The following CD36 variants were observed in gnomAD, a reference collection of about 807,000 sequenced individuals.
The protein encoded by CD36 is CD36 molecule (CD36 blood group).
A neutral mutation model predicts 55.2 loss-of-function variants in CD36; 119 were observed. The observed-to-expected ratio is 2.15, with a 90% CI of 1.86 to 2.51. CD36 has a LOEUF of 2.51. CD36 is among the 30% of genes most tolerant of loss of function. The pLI is 0.00. For missense variants in CD36, 819 were observed against 555.5 expected (o/e 1.47, Z -4.77); for synonymous variants, 186 against 193.6 (o/e 0.96, Z 0.33).
chr7:80,615,326 G>C (rs1339124393), intron 1 of CD36, among the ~76,000 whole-genome samples: 1 of 152,136 alleles, frequency 6.6e-6, no homozygotes, highest in Non-Finnish European at 1.5e-5. Context: ...ACAGAATAAA[G>C]TTCAATCTCC....
chr7:80,614,220 T>C (rs922058799), intron 1 of CD36, among the ~76,000 whole-genome samples: 1 of 152,180 alleles, frequency 6.6e-6, no homozygotes, highest in African/African-American at 2.4e-5. Flanking sequence ...GAATGTTTGT[T>C]TCTCCAGAGC....
intron 8 of CD36, 129 bp downstream of exon 8, chr7:80,666,618 T>C (rs1190701344): frequency 2.7e-6 from 2 of 735,356 alleles, no homozygotes; most frequent in African/African-American, 3.5e-5. Context: ...CACAACAAAA[T>C]TCAGAGTCAC....
chr7:80,639,283 T>G (rs1307010136), intron 1 of CD36, among the ~76,000 whole-genome samples: 1 of 152,010 alleles, frequency 6.6e-6, no homozygotes, highest in Admixed American at 6.6e-5. Flanking sequence ...GCAATGTGTA[T>G]TTTGGATATG....
At position 80,663,111 on chromosome 7, in the gene CD36, A is replaced by T. The variant is rs770839462; in HGVS notation, c.551A>T (p.Asp184Val). Residue 184 changes from aspartate (D) to valine (V), a missense_variant, in exon 6 of 15, where the codon GAT (aspartate) becomes GTT (valine). Physicochemically the swap from Asp to Val is radical, Grantham distance 152. Transcript: ENST00000447544. ...TLRELLWGYR[D>V]PFLSLVPYPV... ...AGAGAACTGTTATGGGGCTATAGGGATCCATTTTTGAGTTTGGTTCCGTAC... is the reference window on the plus strand; with the variant it reads ...AGAGAACTGTTATGGGGCTATAGGGTTCCATTTTTGAGTTTGGTTCCGTAC... The T allele has an allele frequency of 9.3e-6, 15 of 1,613,580 alleles. No homozygotes were observed. The highest frequency in any genetic ancestry group is 1.0e-5 in the Non-Finnish European group (12 of 1,179,810).
Position 80,625,236 on chromosome 7 carries a change from A to G in CD36, c.-183-20852A>G, listed in dbSNP as rs143426599. Among the ~76,000 whole-genome samples, 1,136 of 152,264 alleles carry G rather than the reference A, an allele frequency of 7.5e-3. 18 individuals carry two copies. Among genetic ancestry groups the G allele is most frequent in the African/African-American group, 0.026 (1,068 of 41,546 alleles). On this transcript the variant is annotated intron_variant, in intron 1 of 13. Coordinates refer to the CD36 transcript ENST00000309881. Reference sequence around the variant, plus strand: ...TGGGAAATATAGAAAAATGGGGGGTACTGGAACTAGCTAAAATTTTACAGA... The same window carrying G: ...TGGGAAATATAGAAAAATGGGGGGTGCTGGAACTAGCTAAAATTTTACAGA...
At chr7:80,644,220 G>A (rs1277372250) in intron 1 of CD36, among the ~76,000 whole-genome samples, 1 of 152,110 alleles carries the variant, frequency 6.6e-6, no homozygotes, top group African/African-American at 2.4e-5. Context: ...CGATTTCCAA[G>A]GGCAGGGAAA....
At chr7:80,626,144 G>A (rs1793726373) in intron 1 of CD36, 1 of 152,134 alleles carries the variant, frequency 6.6e-6, no homozygotes, top group South Asian at 2.1e-4. Flanking sequence ...TAGAAACTCA[G>A]CGACTATGGG....
chr7:80,671,177 C>T lies in CD36; in HGVS notation c.1006+13C>T, dbSNP rs138456276. 6.4e-7 allele frequency: 1 copy of T among 1,553,996 alleles called. No homozygotes were observed. On this transcript the variant is annotated intron_variant, in intron 10 of 14. Coordinates refer to ENST00000447544, the MANE Select transcript of CD36 (RefSeq NM_001001548.3). Reference sequence around the variant, plus strand: ...AAATGCAAAGAAGGTGAGTAAATAACCTCAGTAGCACAGTCCATACCATAA... The same window carrying T: ...AAATGCAAAGAAGGTGAGTAAATAATCTCAGTAGCACAGTCCATACCATAA...
intron 8 of CD36, among the ~76,000 whole-genome samples, chr7:80,666,997 T>C (rs184244402): frequency 4.6e-5 from 7 of 152,202 alleles, no homozygotes; most frequent in Non-Finnish European, 1.0e-4. Context: ...GTCAGATGTC[T>C]TCTTAACTGT....
At chr7:80,603,484 A>T (rs949101070) in intron 1 of CD36, among the ~76,000 whole-genome samples, 4 of 152,170 alleles carry the variant, frequency 2.6e-5, no homozygotes, top group African/African-American at 9.7e-5. Flanking sequence ...TCAAAGAGAA[A>T]TAGGCAACCT....
At chr7:80,670,153 G>A (rs1797518225) in intron 9 of CD36, 131 bp downstream of exon 9, 3 of 688,522 alleles carry the variant, frequency 4.4e-6, no homozygotes, top group Non-Finnish European at 7.7e-6. Flanking sequence ...ATGTTCTTCT[G>A]CATCTTCCAA....
chr7:80,630,292 G>A (rs950535276), intron 1 of CD36, among the ~76,000 whole-genome samples: 3 of 152,052 alleles, frequency 2.0e-5, no homozygotes, highest in Middle Eastern at 3.4e-3. Context: ...AGGAGTAGAA[G>A]AGCTAATGAA....
At chr7:80,629,865 G>A (rs1253621625) in intron 1 of CD36, among the ~76,000 whole-genome samples, 2 of 148,288 alleles carry the variant, frequency 1.3e-5, no homozygotes, top group Non-Finnish European at 3.0e-5. Flanking sequence ...TATTCACCTA[G>A]ATTGTCTGGA....
At chr7:80,650,927 CA>C (rs59555088) in intron 3 of CD36, among the ~76,000 whole-genome samples, 17 of 133,496 alleles carry the variant, frequency 1.3e-4, no homozygotes, top group African/African-American at 2.6e-4. Context: ...TGCAGTCTTT[CA>C]AAAAAAAAAA....
At chr7:80,650,228 C>A (rs1356858046) in intron 3 of CD36, among the ~76,000 whole-genome samples, 1 of 151,986 alleles carries the variant, frequency 6.6e-6, no homozygotes, top group Non-Finnish European at 1.5e-5. Flanking sequence ...TCATCAGAAT[C>A]CTTATATTGG....
chr7:80,645,182 G>A (rs560109522), intron 1 of CD36, among the ~76,000 whole-genome samples: 32 of 151,508 alleles, frequency 2.1e-4, no homozygotes, highest in African/African-American at 6.3e-4. Context: ...CACCAAGCCC[G>A]GCTAACTTTG....
At chr7:80,627,577 T>G (rs1293713686) in intron 1 of CD36, among the ~76,000 whole-genome samples, 1 of 151,824 alleles carries the variant, frequency 6.6e-6, no homozygotes, top group Non-Finnish European at 1.5e-5. Context: ...TCATGTGTGT[T>G]AGCCTTTAAG....
chr7:80,654,781 C>T (rs369058663), intron 3 of CD36, among the ~76,000 whole-genome samples: 15 of 151,714 alleles, frequency 9.9e-5, no homozygotes, highest in African/African-American at 3.4e-4. Flanking sequence ...CAGTTCTTCT[C>T]TAAGGAATTC....
chr7:80,654,192 C>A (rs1225663964), intron 3 of CD36, among the ~76,000 whole-genome samples: 2 of 152,138 alleles, frequency 1.3e-5, no homozygotes, highest in Non-Finnish European at 2.9e-5. Context: ...TAGATGGACA[C>A]TCATTGTAGA....
Sources: allele counts gnomAD v4.1 joint callset (sites outside exome capture counted in the v4.1 genomes callset), GRCh38; gene constraint gnomAD v4.1.1; transcripts MANE v1.5; gene names NCBI Gene and HGNC (gene_info 2026-07-23, HGNC 2026-07-21).